The following LRRC8D variants were observed in gnomAD, a reference collection of about 807,000 sequenced individuals.
LRRC8D encodes the protein volume-regulated anion channel subunit LRRC8D.
Under a neutral mutation model 55.8 loss-of-function variants are expected in LRRC8D, and 20 were observed. The ratio of observed to expected loss-of-function variants is 0.36; its 90% CI spans 0.25 to 0.52. The LOEUF (loss-of-function observed/expected upper bound fraction) is 0.52. Among genes scored for constraint, LRRC8D ranks in the 20% least tolerant of loss-of-function variants. The probability of loss-of-function intolerance (pLI) is 0.93; values close to 1 mark genes in which losing one functional copy is unlikely to be tolerated. For missense variants in LRRC8D, 651 were observed against 1,030.8 expected (o/e 0.63, Z 5.05); for synonymous variants, 352 against 377.0 (o/e 0.93, Z 0.77).
chr1:89,910,687 G>A (rs1395315095), intron 2 of LRRC8D, among the ~76,000 whole-genome samples: 2 of 151,522 alleles, frequency 1.3e-5, no homozygotes, highest in African/African-American at 2.4e-5. Flanking sequence ...GTGTGATCTC[G>A]GTCGAATTAC....
At chr1:89,919,306 A>T (rs1023200896) in intron 2 of LRRC8D, among the ~76,000 whole-genome samples, 26 of 152,128 alleles carry the variant, frequency 1.7e-4, no homozygotes, top group African/African-American at 6.3e-4. Flanking sequence ...TCTGTACCAA[A>T]CCAGGAATAA....
intron 2 of LRRC8D, among the ~76,000 whole-genome samples, chr1:89,919,000 G>GA (rs967578211): frequency 1.3e-5 from 2 of 152,182 alleles, no homozygotes; most frequent in African/African-American, 4.8e-5. Flanking sequence ...GCAGATAAAA[G>GA]AAACTGTCCT....
chr1:89,928,233 G>A (rs1348906077), intron 2 of LRRC8D, among the ~76,000 whole-genome samples: 3 of 152,158 alleles, frequency 2.0e-5, no homozygotes, highest in Middle Eastern at 3.4e-3. Context: ...ACCAAGCCCC[G>A]CTAATTTTTG....
At chr1:89,868,166 A>G (rs2100813826) in intron 2 of LRRC8D, among the ~76,000 whole-genome samples, 1 of 152,338 alleles carries the variant, frequency 6.6e-6, no homozygotes, top group East Asian at 1.9e-4. Context: ...ATGATGAGAA[A>G]ATACATAAGC....
rs183348956 is a variant in LRRC8D, at chr1:89,823,318, C to G, written c.-148+2027C>G. On this transcript the variant is annotated intron_variant, in intron 1 of 2. Coordinates refer to ENST00000337338, the MANE Select transcript of LRRC8D (RefSeq NM_001134479.2). ...TAAAAAACATGGTCAAAACTTGGCC[C>G]TTTTTTTCTCAAAATCGCTAAAGTT... Among the ~76,000 whole-genome samples, 333 of 152,116 alleles carry G rather than the reference C, an allele frequency of 2.2e-3. 2 individuals are homozygous for G. The highest frequency in any genetic ancestry group is 3.4e-3 in the Non-Finnish European group (229 of 67,984).
intron 2 of LRRC8D, among the ~76,000 whole-genome samples, chr1:89,896,302 CTT>C (rs1662710736): frequency 6.6e-6 from 1 of 152,016 alleles, no homozygotes; most frequent in Admixed American, 6.5e-5. Flanking sequence ...GGGTCGTAAA[CTT>C]TGGTTCTGGA....
chr1:89,909,638 G>A (rs993113664), intron 2 of LRRC8D, among the ~76,000 whole-genome samples: 15 of 151,910 alleles, frequency 9.9e-5, no homozygotes, highest in African/African-American at 2.2e-4. Flanking sequence ...AGGCCGAGGC[G>A]GGCGGATCAT....
rs144785599 is a variant in LRRC8D at position 89,932,657 on chromosome 1, G to A, written c.-2-410G>A. ...AACATAAGACTATCCAAAGTTTAAC[G>A]GTATTTAATGGTATACACAGACCTT... On this transcript the variant is annotated intron_variant, in intron 2 of 2. Transcript: ENST00000337338. Among the ~76,000 whole-genome samples the A allele has an allele frequency of 7.4e-4, 112 of 152,278 alleles. 1 individual carries two copies. The East Asian group carries it at 0.019, about 25-fold the overall frequency.
At chr1:89,877,610 G>T (rs1161365164) in intron 2 of LRRC8D, among the ~76,000 whole-genome samples, 1 of 152,016 alleles carries the variant, frequency 6.6e-6, no homozygotes, top group African/African-American at 2.4e-5. Flanking sequence ...GGCTAATGCA[G>T]CCTGTTCCTA....
rs150110588 is a variant in LRRC8D, at chr1:89,852,755, C to T, written c.-3+8973C>T. 7.2e-5 allele frequency among the ~76,000 whole-genome samples: 11 copies of T among 152,120 alleles called. No homozygotes were observed. In the East Asian group the frequency reaches 7.7e-4, roughly 11 times the overall value. ...GAGAGGCTGAGATCATTTACCAGGC[C>T]GAGATGGAGAAAGGACAGACTGAGG... On this transcript the variant is annotated intron_variant, in intron 2 of 2. Coordinates refer to ENST00000337338, the MANE Select transcript of LRRC8D (RefSeq NM_001134479.2).
Position 89,932,181 on chromosome 1 carries a change from C to T in LRRC8D, c.-2-886C>T, listed in dbSNP as rs138947003. 3.8e-3 allele frequency among the ~76,000 whole-genome samples: 573 copies of T among 152,244 alleles called. 4 individuals carry two copies. The highest frequency in any genetic ancestry group is 0.013 in the African/African-American group (545 of 41,532). On this transcript the variant is annotated intron_variant, in intron 2 of 2. Coordinates refer to ENST00000337338, the MANE Select transcript of LRRC8D (RefSeq NM_001134479.2). ...ACCACATTTTCAAGTTTCCTGGCAC[C>T]GGGGCTTCATTCATGGCTGCTCGGG...
rs942984772 is a variant in LRRC8D, at chr1:89,886,639, C to T, written c.-3+42857C>T. Among the ~76,000 whole-genome samples, 4 of 152,106 alleles carry T rather than the reference C, an allele frequency of 2.6e-5. No individual in the cohort carries two copies. In the South Asian group the frequency reaches 6.2e-4, roughly 24 times the overall value. On this transcript the variant is annotated intron_variant, in intron 2 of 2. Coordinates refer to ENST00000337338, the MANE Select transcript of LRRC8D (RefSeq NM_001134479.2). ...TTTATCTCAAAACATATGGTGTATT[C>T]GCAGCCCATAAGTTGGCAGTAACAG... is the stretch of plus-strand genomic sequence containing the variant.
At chr1:89,907,080 C>T (rs574424510) in intron 2 of LRRC8D, among the ~76,000 whole-genome samples, 17 of 151,734 alleles carry the variant, frequency 1.1e-4, no homozygotes, top group Middle Eastern at 3.4e-3. Context: ...AGCATTTACT[C>T]ATGCAGGAAG....
intron 2 of LRRC8D, among the ~76,000 whole-genome samples, chr1:89,902,007 ATTTCTCT>A (rs1662868452): frequency 6.6e-6 from 1 of 152,194 alleles, no homozygotes; most frequent in South Asian, 2.1e-4. Context: ...ATAGTAACAC[ATTTCTCT>A]ATAGCACTTT....
chr1:89,875,570 G>T (rs1662125324), intron 2 of LRRC8D, among the ~76,000 whole-genome samples: 1 of 152,070 alleles, frequency 6.6e-6, no homozygotes, highest in African/African-American at 2.4e-5. Context: ...ATGAGAGAAG[G>T]GGGTGTTACA....
At position 89,915,191 on chromosome 1, in the gene LRRC8D, A is replaced by G. The variant is rs554047393; in HGVS notation, c.-2-17876A>G. Among the ~76,000 whole-genome samples the G allele has an allele frequency of 2.1e-3, 319 of 152,354 alleles. 1 individual carries two copies. The highest frequency in any genetic ancestry group is 7.4e-3 in the African/African-American group (308 of 41,578). ...TGATGGGCAAGATACTTTGTTGCCA[A>G]CTACAAATCCTAAATACCTAACAGA... is the stretch of plus-strand genomic sequence containing the variant. On this transcript the variant is annotated intron_variant, in intron 2 of 2. Coordinates refer to ENST00000337338, the MANE Select transcript of LRRC8D (RefSeq NM_001134479.2).
chr1:89,935,859 T>A lies in LRRC8D; in HGVS notation c.*214T>A. On this transcript the variant is annotated 3_prime_UTR_variant, in exon 3 of 3. Transcript: ENST00000337338. ...CATTTCCAAATCATTTTTTTTTTTC[T>A]TTTGGGGAAAGGGAAGGAAAAATTA... The A allele has an allele frequency of 2.3e-6, 1 of 429,786 alleles. No homozygotes were observed. Among genetic ancestry groups the A allele is most frequent in the Non-Finnish European group, 4.2e-6 (1 of 240,294 alleles). 26.6% of individuals were successfully genotyped at this position (429,786 alleles called of 1,614,324 possible).
At chr1:89,906,029 T>C (rs1357299811) in intron 2 of LRRC8D, among the ~76,000 whole-genome samples, 2 of 152,290 alleles carry the variant, frequency 1.3e-5, no homozygotes, top group South Asian at 4.1e-4. Context: ...TGAACAGTTG[T>C]CCTTCTTCGC....
intron 2 of LRRC8D, among the ~76,000 whole-genome samples, chr1:89,877,387 T>G (rs1662173520): frequency 6.6e-6 from 1 of 152,218 alleles, no homozygotes; most frequent in Non-Finnish European, 1.5e-5. Flanking sequence ...CTTTTAAAAT[T>G]TTTATGAGCT....
Sources: allele counts gnomAD v4.1 joint callset (sites outside exome capture counted in the v4.1 genomes callset), GRCh38; gene constraint gnomAD v4.1.1; transcripts MANE v1.5; gene names NCBI Gene and HGNC (gene_info 2026-07-23, HGNC 2026-07-21).